Variants in EIF5B observed in about 807,000 individuals in gnomAD.
The protein encoded by EIF5B is eIF-5B.
A neutral mutation model predicts 147.5 loss-of-function variants in EIF5B; 47 were observed. That is an observed-to-expected ratio of 0.32 (90% CI 0.25 to 0.41). EIF5B has a LOEUF of 0.41. Among genes scored for constraint, EIF5B ranks in the 10% least tolerant of loss-of-function variants. The probability of loss-of-function intolerance (pLI) is 1.00; values close to 1 mark genes in which losing one functional copy is unlikely to be tolerated. For missense variants in EIF5B, 1,064 were observed against 1,413.2 expected, an observed-to-expected ratio of 0.75 and a Z score of 3.96; for synonymous variants, 455 against 456.2, an observed-to-expected ratio of 1.00 and a Z score of 0.03.
intron 6 of EIF5B, among the ~76,000 whole-genome samples, chr2:99,364,797 A>C (rs1056550148): frequency 2.0e-5 from 3 of 152,194 alleles, no homozygotes; most frequent in South Asian, 4.1e-4. Flanking sequence ...AGTGAATCCC[A>C]AAAAATAAAA....
intron 1 of EIF5B, among the ~76,000 whole-genome samples, chr2:99,338,937 T>TATATATATATATATATATATATATAC (rs1491555384): frequency 2.0e-4 from 27 of 134,664 alleles, no homozygotes; most frequent in Admixed American, 8.7e-4. Flanking sequence ...TATATATATA[T>TATATATATATATATATATATATATAC]ACAAATATAT....
intron 1 of EIF5B, chr2:99,338,244 A>G (rs1209999868): frequency 5.3e-6 from 6 of 1,140,148 alleles, no homozygotes; most frequent in Non-Finnish European, 7.0e-6. Flanking sequence ...AAACCAACCA[A>G]CCGAGGTCGC....
chr2:99,384,551 G>A (rs976994314), intron 14 of EIF5B, among the ~76,000 whole-genome samples: 7 of 152,204 alleles, frequency 4.6e-5, no homozygotes, highest in Non-Finnish European at 7.3e-5. Context: ...TTCCTCTGAT[G>A]GATTTGGGCA....
intron 21 of EIF5B, 106 bp from the exon 22 acceptor site, chr2:99,396,654 A>G: frequency 7.1e-7 from 1 of 1,406,576 alleles, no homozygotes; most frequent in Non-Finnish European, 9.5e-7. Context: ...GCCGCTGGGG[A>G]AAGCTGCTTT....
rs191074466 is a variant in EIF5B, at chr2:99,362,925, A to G, written c.920-720A>G. ...AGGAGCCCGCCACCATGCCCGGCTA[A>G]TTTTTGTATTTTTAGTAGAGATGGG... On this transcript the variant is annotated intron_variant, in intron 4 of 23. Coordinates refer to ENST00000289371, the MANE Select transcript of EIF5B (RefSeq NM_015904.4). Among the ~76,000 whole-genome samples, 1,488 of 151,592 alleles carry G rather than the reference A, an allele frequency of 9.8e-3. 21 individuals are homozygous for G. The highest frequency in any genetic ancestry group is 0.021 in the Middle Eastern group (6 of 292).
chr2:99,396,927 C>A, intron 22 of EIF5B, 29 bp downstream of exon 22: 3 of 1,581,736 alleles, frequency 1.9e-6, no homozygotes, highest in South Asian at 2.4e-5. Flanking sequence ...TTCTGTGGGT[C>A]ATTTCTTAAA....
intron 14 of EIF5B, among the ~76,000 whole-genome samples, chr2:99,384,025 G>A (rs567793975): frequency 7.9e-4 from 120 of 151,684 alleles, no homozygotes; most frequent in Admixed American, 7.0e-3. Flanking sequence ...GTGAAACCCC[G>A]TCTCTACTAA....
Position 99,394,955 on chromosome 2 carries a change from G to A in EIF5B, c.3254+72G>A, listed in dbSNP as rs145473630. 544 of 1,397,628 alleles carry A rather than the reference G, an allele frequency of 3.9e-4. 3 individuals carry two copies. The African/African-American group carries it at 7.4e-3, about 19-fold the overall frequency. 86.6% of individuals were successfully genotyped at this position (1,397,628 alleles called of 1,614,324 possible). A position where few individuals can be genotyped will look rare whatever the true frequency, so the allele number is the denominator to read the frequency against. ...ATTGAGAATTACTGAATTCCAGAAA[G>A]GGCTGTAAACAGCAAAATCATGGCA... is the stretch of plus-strand genomic sequence containing the variant. On this transcript the variant is annotated intron_variant, in intron 21 of 23. Transcript: ENST00000289371.
intron 20 of EIF5B, 32 bp downstream of exon 20, chr2:99,394,617 A>G (rs1335617878): frequency 1.9e-6 from 3 of 1,613,534 alleles, no homozygotes; most frequent in Non-Finnish European, 2.5e-6. Flanking sequence ...GAAGGCTTTC[A>G]TGTTACGTAG....
intron 8 of EIF5B, among the ~76,000 whole-genome samples, chr2:99,371,313 C>T (rs999226133): frequency 2.0e-5 from 3 of 151,904 alleles, no homozygotes; most frequent in Admixed American, 6.6e-5. Context: ...ACGGTGAAAC[C>T]CCGTCTCTAC....
intron 14 of EIF5B, 133 bp from the exon 15 acceptor site, chr2:99,389,585 C>A: frequency 1.5e-6 from 1 of 669,354 alleles, no homozygotes; most frequent in South Asian, 4.7e-5. Context: ...GCTTTTGGTA[C>A]AATAAAGTGT....
At chr2:99,398,258 C>G (rs1356145181) in intron 22 of EIF5B, 1 of 152,826 alleles carries the variant, frequency 6.5e-6, no homozygotes, top group Non-Finnish European at 1.5e-5. Flanking sequence ...TCTTACTCTC[C>G]TGAATCTTTT....
chr2:99,382,276 T>A, intron 13 of EIF5B, 50 bp downstream of exon 13: 2 of 1,531,678 alleles, frequency 1.3e-6, no homozygotes, highest in Non-Finnish European at 1.8e-6. Context: ...TTGAAACCAT[T>A]AAGTCTAAAA....
intron 8 of EIF5B, among the ~76,000 whole-genome samples, chr2:99,370,836 T>C (rs1156777741): frequency 6.6e-6 from 1 of 152,212 alleles, no homozygotes; most frequent in Non-Finnish European, 1.5e-5. Context: ...ATTTTAGCTT[T>C]CTGGCTGTTT....
rs527976832 is a variant in EIF5B, at chr2:99,371,443, A to G, written c.1478-213A>G. ...GCGGAGCTTGCAGTGAGCCGAGATC[A>G]CGCCACCGCACTCCAGCCTGGGCGA... On this transcript the variant is annotated intron_variant, in intron 8 of 23. Coordinates refer to ENST00000289371, the MANE Select transcript of EIF5B (RefSeq NM_015904.4). Among the ~76,000 whole-genome samples the G allele has an allele frequency of 3.5e-3, 531 of 150,810 alleles. 3 individuals carry two copies. The highest frequency in any genetic ancestry group is 0.012 in the African/African-American group (510 of 40,966).
At position 99,361,544 on chromosome 2, in the gene EIF5B, G is replaced by A; in HGVS notation, c.643G>A (p.Gly215Arg). 6.2e-7 allele frequency: 1 copy of A among 1,613,782 alleles called. No individual in the cohort carries two copies. The highest frequency in any genetic ancestry group is 8.5e-7 in the Non-Finnish European group (1 of 1,179,976). ...CAAGCCAGGTCCTAACATAGAAAGT[G>A]GGAATGAAGATGATGACGCCTCCTT... is the stretch of plus-strand genomic sequence containing the variant. ...KNKPGPNIES[G>R]NEDDDASFKI... Residue 215 changes from glycine (G) to arginine (R), a missense_variant, in exon 4 of 24, where the codon GGG becomes AGG. Gly to Arg is a moderately radical substitution (Grantham distance 125). Coordinates refer to ENST00000289371, the MANE Select transcript of EIF5B (RefSeq NM_015904.4).
chr2:99,361,741 T>C lies in EIF5B; in HGVS notation c.840T>C (p.Thr280=), dbSNP rs986977442. Residue 280 remains threonine (T), a synonymous_variant, in exon 4 of 24, where the codon ACT becomes ACC. Coordinates refer to ENST00000289371, the MANE Select transcript of EIF5B (RefSeq NM_015904.4). ...CTCAAAGGAAATTTGAAGAAGAAAC[T>C]GTAAAATCCAAAGTGACTGTTGATA... The part of the protein sequence containing the change: ...KESQRKFEEE[T]VKSKVTVDTG... The C allele has an allele frequency of 6.3e-7, 1 of 1,593,182 alleles. No individual in the cohort carries two copies. The highest frequency in any genetic ancestry group is 2.2e-5 in the East Asian group (1 of 44,654).
intron 17 of EIF5B, 59 bp downstream of exon 17, chr2:99,390,764 CTGAGA>C: frequency 6.6e-7 from 1 of 1,507,414 alleles, no homozygotes; most frequent in Admixed American, 2.0e-5. Context: ...AGAAGTTCTG[CTGAGA>C]TGGTTTCCTC....
intron 1 of EIF5B, among the ~76,000 whole-genome samples, chr2:99,341,719 T>G (rs1389775062): frequency 6.6e-6 from 1 of 152,168 alleles, no homozygotes; most frequent in Non-Finnish European, 1.5e-5. Flanking sequence ...AACTGAAAAG[T>G]TCTTCAAATA....
Sources: gnomAD v4.1 joint callset for allele counts (sites outside exome capture counted in the v4.1 genomes callset) on GRCh38, gnomAD v4.1.1 for gene constraint, MANE v1.5 for transcripts, NCBI Gene and HGNC (gene_info 2026-07-23, HGNC 2026-07-21) for gene names.